The following MYO15A variants were observed in gnomAD, a reference collection of about 807,000 sequenced individuals.
MYO15A encodes the protein unconventional myosin-XV.
Under a neutral mutation model 394.6 loss-of-function variants are expected in MYO15A, and 308 were observed. The ratio of observed to expected loss-of-function variants is 0.78; its 90% confidence interval spans 0.71 to 0.86. The LOEUF is 0.86. Among genes scored for constraint, MYO15A ranks in the 40% least tolerant of loss-of-function variants. The pLI is 0.00. For synonymous variants in MYO15A, 1,957 were observed against 2,003.8 expected (o/e 0.98, Z 0.62); for missense variants, 4,606 against 4,799.1 (o/e 0.96, Z 1.19).
At position 18,148,769 on chromosome 17, in the gene MYO15A, C is replaced by T; in HGVS notation, c.6773C>T (p.Ala2258Val). Residue 2258 changes from alanine (A) to valine (V), a missense_variant, in exon 33 of 66, where the codon GCA becomes GTA. This residue lies in a region of MYO15A where 2,776 missense variants were observed against 3,109.3 expected (regional missense o/e 0.89). Transcript: ENST00000647165. This position sits in a 1 kb window ranked among gnomAD's most constrained non-coding sequence, Gnocchi z 4.8. ...GTGCATGCCATCACCAGGGGGCTGG[C>T]AGATGGCTGGCGCGGCTGGACCGTG... Reference protein sequence around the residue: ...AGDILRHRGLADGWRGWTVAM... With the variant: ...AGDILRHRGLVDGWRGWTVAM... 1.3e-6 allele frequency: 2 copies of T among 1,598,970 alleles called. No individual in the cohort carries two copies. The highest frequency in any genetic ancestry group is 1.7e-6 in the Non-Finnish European group (2 of 1,172,190).
In MYO15A at chr17:18,131,325, G is replaced by A; in HGVS notation, c.4125G>A (p.Val1375=). Residue 1375 remains valine, a synonymous_variant, in exon 9 of 66, where the codon GTG becomes GTA. Coordinates refer to ENST00000647165, the MANE Select transcript of MYO15A (RefSeq NM_016239.4). ...ACTCCAGCCGCTTTGGGAAGTTTGT[G>A]GAAATCTTTCTGGAAGGGTGAGTTG... ...NDNSSRFGKF[V]EIFLEGGVIS... is the part of the protein sequence containing the mutation. 1 of 1,614,112 alleles carries A rather than the reference G, an allele frequency of 6.2e-7. No homozygotes were observed. The highest frequency in any genetic ancestry group is 1.3e-5 in the African/African-American group (1 of 75,010).
Position 18,132,617 on chromosome 17 carries a change from G to T in MYO15A, c.4320+51G>T. ...CCCCTGGCCCTGGTCCTCCCACCCC[G>T]ACGCCCCTGGCTGGGCCTTGGGAGC... On this transcript the variant is annotated intron_variant, in intron 11 of 65. Coordinates refer to ENST00000647165, the MANE Select transcript of MYO15A (RefSeq NM_016239.4). The surrounding 1 kb of genome is among the most constrained non-coding windows in gnomAD (Gnocchi z 4.6). The T allele has an allele frequency of 1.3e-6, 2 of 1,501,496 alleles. No individual in the cohort carries two copies. The highest frequency in any genetic ancestry group is 1.1e-5 in the South Asian group (1 of 88,788). 93.0% of individuals were successfully genotyped at this position (1,501,496 alleles called of 1,614,324 possible).
At chr17:18,166,280 T>G (rs528879429) in intron 60 of MYO15A, 81 bp from the exon 61 acceptor site, 1 of 1,571,418 alleles carries the variant, frequency 6.4e-7, no homozygotes, top group South Asian at 1.1e-5. Context: ...CAGATTGGGG[T>G]CTGCACACAT....
Position 18,172,200 on chromosome 17 carries a change from C to A in MYO15A, c.10260C>A (p.Phe3420Leu), listed in dbSNP as rs2046952460. The change falls in exon 64 of 66, where the codon TTC (phenylalanine) becomes TTA (leucine). Residue 3420 changes from phenylalanine to leucine, a missense_variant. Physicochemically the swap from Phe to Leu is conservative, Grantham distance 22. This residue lies in a region of MYO15A where 2,776 missense variants were observed against 3,109.3 expected (regional missense o/e 0.89). Transcript: ENST00000647165. Reference protein sequence around the residue: ...ALPMFGSSFFFIQSCSNIAVP... With the variant: ...ALPMFGSSFFLIQSCSNIAVP... ...CTATGTTCGGCTCCTCCTTCTTCTTCATCCAGAGCTGCAGCAACATTGCTG... is the reference window on the plus strand; with the variant it reads ...CTATGTTCGGCTCCTCCTTCTTCTTAATCCAGAGCTGCAGCAACATTGCTG... The A allele has an allele frequency of 6.2e-7, 1 of 1,614,120 alleles. No homozygotes were observed. Among genetic ancestry groups the A allele is most frequent in the Non-Finnish European group, 8.5e-7 (1 of 1,180,054 alleles).
In MYO15A at chr17:18,121,938, C is replaced by A. The variant is rs1487298255; in HGVS notation, c.3138C>A (p.Pro1046=). 6.2e-7 allele frequency: 1 copy of A among 1,613,376 alleles called. No homozygotes were observed. ...TCACTCCCCCCAAGGATATCACTCC[C>A]CCCAAGGATGTCCTCCCAGAGCAAA... ...KDVTPPKDIT[P]PKDVLPEQKT... The change falls in exon 2 of 66, where the codon CCC becomes CCA. Residue 1046 remains proline, a synonymous_variant. Transcript: ENST00000647165. The surrounding 1 kb of genome is among the most constrained non-coding windows in gnomAD (Gnocchi z 5.3).
intron 17 of MYO15A, 47 bp from the exon 18 acceptor site, chr17:18,138,764 G>A: frequency 1.2e-6 from 2 of 1,608,244 alleles, no homozygotes; most frequent in East Asian, 2.2e-5. Flanking sequence ...CCAGGAACAG[G>A]GTGTCCAGGC....
intron 12 of MYO15A, among the ~76,000 whole-genome samples, chr17:18,134,443 T>G (rs2046227961): frequency 6.6e-6 from 1 of 152,286 alleles, no homozygotes; most frequent in Non-Finnish European, 1.5e-5. Flanking sequence ...CCATAACTTT[T>G]TCTAAGACCT....
In MYO15A at chr17:18,126,927, G is replaced by A. The variant is rs960053599; in HGVS notation, c.3941+62G>A. ...GACCTTAGGTAGCAGGCCTGCATCT[G>A]GCCAGAACTGCTGTGGGACCTTGGA... On this transcript the variant is annotated intron_variant, in intron 6 of 65. Coordinates refer to ENST00000647165, the MANE Select transcript of MYO15A (RefSeq NM_016239.4). 13 of 1,602,092 alleles carry A rather than the reference G, an allele frequency of 8.1e-6. No individual in the cohort carries two copies. The East Asian group carries it at 2.7e-4, about 33-fold the overall frequency.
At chr17:18,154,885 C>A in intron 45 of MYO15A, 130 bp downstream of exon 45, 1 of 1,117,656 alleles carries the variant, frequency 8.9e-7, no homozygotes, top group Non-Finnish European at 1.3e-6. Flanking sequence ...CCTTGCTCTG[C>A]TTCTCTGGCC....
At position 18,138,223 on chromosome 17, in the gene MYO15A, G is replaced by A. The variant is rs1179637430; in HGVS notation, c.4984G>A (p.Asp1662Asn). The change falls in exon 17 of 66, where the codon GAC becomes AAC. Residue 1662 changes from aspartate (D) to asparagine (N), a missense_variant. By Grantham distance (23) the Asp-to-Asn change is conservative. Transcript: ENST00000647165. Reference protein sequence around the residue: ...LKPYGILRILDDQCCFPQATD... With the variant: ...LKPYGILRILNDQCCFPQATD... ...GCCTTATGGCATCCTGCGGATCCTT[G>A]ACGACCAGTGTTGCTTTCCCCAGGT... 1 of 1,613,374 alleles carries A rather than the reference G, an allele frequency of 6.2e-7. No homozygotes were observed. Among genetic ancestry groups the A allele is most frequent in the Non-Finnish European group, 8.5e-7 (1 of 1,180,020 alleles).
chr17:18,127,995 G>C lies in MYO15A; in HGVS notation c.4032+830G>C, dbSNP rs375817045. Among the ~76,000 whole-genome samples the C allele has an allele frequency of 1.8e-4, 28 of 152,046 alleles. 1 individual carries two copies. In the East Asian group the frequency reaches 5.0e-3, roughly 27 times the overall value. ...TGGTCAGGGTAGGCTGTACTGAGAA[G>C]ACAAGAGAGTGGGCTCTAGGAAAGT... On this transcript the variant is annotated intron_variant, in intron 7 of 65. Coordinates refer to ENST00000647165, the MANE Select transcript of MYO15A (RefSeq NM_016239.4).
intron 65 of MYO15A, among the ~76,000 whole-genome samples, chr17:18,176,092 GC>G (rs1292140837): frequency 6.6e-6 from 1 of 152,036 alleles, no homozygotes; most frequent in Non-Finnish European, 1.5e-5. Flanking sequence ...CACGATCCCT[GC>G]CCCCATAGCC....
At chr17:18,124,262 C>T (rs988224567) in intron 2 of MYO15A, 3 of 616,358 alleles carry the variant, frequency 4.9e-6, no homozygotes, top group East Asian at 2.9e-5. Flanking sequence ...CATGGGAGGG[C>T]CTGCCTGGGC....
intron 59 of MYO15A, 45 bp from the exon 60 acceptor site, chr17:18,163,697 T>G (rs750320638): frequency 1.3e-6 from 2 of 1,557,624 alleles, no homozygotes; most frequent in Non-Finnish European, 1.8e-6. Flanking sequence ...AGGACAGAGG[T>G]CAAGCCCAAC....
chr17:18,127,840 T>TATATATATATATATATATATATATAC (rs2046080302), intron 7 of MYO15A, among the ~76,000 whole-genome samples: 1 of 63,086 alleles, frequency 1.6e-5, no homozygotes, highest in African/African-American at 6.4e-5. Context: ...AAAAGATATA[T>TATATATATATATATATATATATATAC]ATATATATAT....
chr17:18,142,868 A>T, intron 25 of MYO15A, 28 bp downstream of exon 25: 1 of 1,586,400 alleles, frequency 6.3e-7, no homozygotes, highest in Non-Finnish European at 8.6e-7. Flanking sequence ...TCTGGGTCCA[A>T]GGGGACAGCA....
Position 18,178,938 on chromosome 17 carries a change from A to T in MYO15A, c.*68A>T. 1 of 1,486,868 alleles carries T rather than the reference A, an allele frequency of 6.7e-7. No homozygotes were observed. Among genetic ancestry groups the T allele is most frequent in the Non-Finnish European group, 9.2e-7 (1 of 1,081,184 alleles). The allele number at this position is 1,486,868 out of a possible 1,614,324, so 92.1% of individuals were successfully genotyped here. A position where few individuals can be genotyped will look rare whatever the true frequency, so the allele number is the denominator to read the frequency against. On this transcript the variant is annotated 3_prime_UTR_variant, in exon 66 of 66. Coordinates refer to ENST00000647165, the MANE Select transcript of MYO15A (RefSeq NM_016239.4). ...TGTGTGGCCTCAGAGAAATCACTGA[A>T]CCTCTCAGGATCAATGACCCCTGTA... is the stretch of plus-strand genomic sequence containing the variant.
At chr17:18,118,091 G>T (rs2045815976) in intron 1 of MYO15A, among the ~76,000 whole-genome samples, 1 of 151,980 alleles carries the variant, frequency 6.6e-6, no homozygotes, top group African/African-American at 2.4e-5. Flanking sequence ...CACAAGTGGA[G>T]TTCCACTGAA....
intron 60 of MYO15A, chr17:18,164,893 A>G (rs2046830535): frequency 6.8e-6 from 1 of 146,980 alleles, no homozygotes; most frequent in Non-Finnish European, 1.5e-5. Flanking sequence ...TAATCCCAGC[A>G]CTCTGAGAGG....
Sources: gnomAD v4.1 joint callset for allele counts (sites outside exome capture counted in the v4.1 genomes callset) on GRCh38, gnomAD v4.1.1 for gene constraint, gnomAD v4.1.1 regional missense constraint, Gnocchi (gnomAD v3.1) non-coding constraint, MANE v1.5 for transcripts, NCBI Gene and HGNC (gene_info 2026-07-23, HGNC 2026-07-21) for gene names.